The following TAF1 variants were observed in gnomAD, a reference collection of about 807,000 sequenced individuals.
TAF1 encodes the protein TATA-box binding protein associated factor 1, also known as transcription initiation factor TFIID subunit 1.
A neutral mutation model predicts 138.5 loss-of-function variants in TAF1; 2 were observed. The observed-to-expected ratio is 0.01, with a 90% confidence interval of 0.01 to 0.05. The LOEUF (loss-of-function observed/expected upper bound fraction) is 0.05. TAF1 is among the 10% of genes least tolerant of loss of function. TAF1 has a pLI of 1.00. For missense variants in TAF1, 709 were observed against 1,478.0 expected (o/e 0.48, Z 8.53); for synonymous variants, 437 against 503.2 (o/e 0.87, Z 1.76).
chrX:71,453,057 G>A (rs1006567527), intron 32 of TAF1, among the ~76,000 whole-genome samples: 1 of 110,430 alleles, frequency 9.1e-6, no homozygotes, highest in African/African-American at 3.3e-5. Context: ...CGTGGAAAGA[G>A]AGGGAGAGGG....
At chrX:71,513,188 G>C (rs1177026953) in intron 13 of TAF1, among the ~76,000 whole-genome samples, 1 of 111,686 alleles carries the variant, frequency 9.0e-6, no homozygotes, top group Non-Finnish European at 1.9e-5. Context: ...TTCTTGATGA[G>C]TGAGGCCCTA....
At chrX:71,491,704 C>G (rs1474669305) in intron 13 of TAF1, 1 of 102,906 alleles carries the variant, frequency 9.7e-6, no homozygotes, top group Non-Finnish European at 2.0e-5. Context: ...CTCTGTCGCC[C>G]AGGCTGGAGT....
intron 28 of TAF1, among the ~76,000 whole-genome samples, chrX:71,420,779 G>C (rs1380551737): frequency 5.3e-5 from 6 of 112,910 alleles, no homozygotes; most frequent in African/African-American, 1.9e-4. Flanking sequence ...AGGCCAGGGC[G>C]GCTCCTCTTC....
At chrX:71,459,068 A>C in intron 35 of TAF1, 1 of 718,558 alleles carries the variant, frequency 1.4e-6, no homozygotes, top group Non-Finnish European at 1.9e-6. Context: ...AGGGAGGAGC[A>C]TCCACCCTGG....
At chrX:71,421,426 G>T in intron 29 of TAF1, 50 bp downstream of exon 29, 2 of 878,435 alleles carry the variant, frequency 2.3e-6, no homozygotes, top group South Asian at 2.1e-5. Context: ...AGGTGGGGGT[G>T]GGATATCAGG....
intron 30 of TAF1, 88 bp downstream of exon 30, chrX:71,423,327 GTC>G: frequency 8.6e-7 from 1 of 1,158,456 alleles, no homozygotes; most frequent in Non-Finnish European, 1.2e-6. Flanking sequence ...ATTTTGGAGA[GTC>G]TGAGTGGTGG....
chrX:71,449,049 A>G (rs1243718514), intron 32 of TAF1, among the ~76,000 whole-genome samples: 1 of 108,565 alleles, frequency 9.2e-6, no homozygotes, highest in Non-Finnish European at 1.9e-5. Flanking sequence ...CTGGAGTTCA[A>G]TGGCGCGATC....
chrX:71,467,708 T>C (rs1316036723), downstream of TAF1, among the ~76,000 whole-genome samples: 1 of 111,697 alleles, frequency 9.0e-6, no homozygotes, highest in Non-Finnish European at 1.9e-5. Flanking sequence ...TGAGGGTAGG[T>C]GGTAGTATGC....
At chrX:71,394,351 G>T in intron 22 of TAF1, 106 bp downstream of exon 22, 1 of 965,922 alleles carries the variant, frequency 1.0e-6, no homozygotes, top group East Asian at 3.2e-5. Flanking sequence ...GAAGATGTAA[G>T]GGATGCATGT....
chrX:71,436,983 ATTTTCT>A (rs2037177814), intron 32 of TAF1, among the ~76,000 whole-genome samples: 1 of 110,998 alleles, frequency 9.0e-6, no homozygotes, highest in Admixed American at 9.6e-5. Flanking sequence ...ATTTATTCAC[ATTTTCT>A]TTTATGTCCC....
chrX:71,458,400 A>ATTGTTT, intron 35 of TAF1, 34 bp downstream of exon 35: 1 of 1,198,680 alleles, frequency 8.3e-7, no homozygotes, highest in Admixed American at 2.2e-5. Context: ...TAAGATTGTT[A>ATTGTTT]TTGTGCCTGC....
At chrX:71,411,469 ACT>A (rs2035784515) in intron 28 of TAF1, among the ~76,000 whole-genome samples, 1 of 110,113 alleles carries the variant, frequency 9.1e-6, no homozygotes, top group Admixed American at 9.7e-5. Context: ...AGAGAGCGAG[ACT>A]CTGTCTCAAA....
chrX:71,403,871 A>G (rs746310304), intron 25 of TAF1, among the ~76,000 whole-genome samples: 1 of 106,932 alleles, frequency 9.4e-6, no homozygotes, highest in Admixed American at 1.0e-4. Flanking sequence ...ATAGTGTCCC[A>G]AATTTGACTC....
rs186237273 is a variant in TAF1, at chrX:71,511,784, G to A, written c.1367-16758G>A. ...TGATCCCGGCACTTTGGGAGGTTGAGGCGGGTGGATTGCTTGAGCTCAGGA... is the reference window on the plus strand; with the variant it reads ...TGATCCCGGCACTTTGGGAGGTTGAAGCGGGTGGATTGCTTGAGCTCAGGA... On this transcript the variant is annotated intron_variant and NMD_transcript_variant, in intron 13 of 14. Coordinates refer to the TAF1 transcript ENST00000373775. 1.9e-4 allele frequency among the ~76,000 whole-genome samples: 21 copies of A among 111,709 alleles called. No individual in the cohort carries two copies. In the East Asian group the frequency reaches 5.9e-3, roughly 31 times the overall value.
Position 71,464,341 on chromosome X carries a change from G to T in TAF1, c.*295G>T, listed in dbSNP as rs1452931014. The T allele has an allele frequency of 2.7e-6, 1 of 372,491 alleles. No homozygotes were observed. Among genetic ancestry groups the T allele is most frequent in the East Asian group, 4.2e-5 (1 of 23,965 alleles). 30.7% of individuals were successfully genotyped at this position (372,491 alleles called of 1,213,427 possible). A position where few individuals can be genotyped will look rare whatever the true frequency, so the allele number is the denominator to read the frequency against. On this transcript the variant is annotated 3_prime_UTR_variant, in exon 38 of 38. Transcript: ENST00000423759. ...TATTTAACTCCATTTATTGCTTTTG[G>T]TATAATTTTTCCCTGGGGAAGGAGG...
At position 71,389,593 on chromosome X, in the gene TAF1, C is replaced by T; in HGVS notation, c.2709C>T (p.Gly903=). The change falls in exon 18 of 38, where the codon GGC becomes GGT. Residue 903 remains glycine, a synonymous_variant. Transcript: ENST00000423759. ...IAAEQRLKDA[G]YGEKSFFAPE... ...GATCTGTCCTCTTCCAGGATGCTGG[C>T]TATGGTGAGAAATCCTTTTTTGCTC... 1 of 1,203,575 alleles carries T rather than the reference C, an allele frequency of 8.3e-7. No individual in the cohort carries two copies. The highest frequency in any genetic ancestry group is 1.1e-6 in the Non-Finnish European group (1 of 892,786).
intron 32 of TAF1, among the ~76,000 whole-genome samples, chrX:71,452,051 G>A (rs1602720984): frequency 1.8e-5 from 2 of 108,920 alleles, no homozygotes; most frequent in South Asian, 8.0e-4. Flanking sequence ...CAGTAGGGGC[G>A]GCCGGGCAGA....
rs916740866 is a variant in TAF1 at position 71,379,105 on chromosome X, ATTTTTTTTT to A, written c.1360+89_1360+97del. 6 of 486,012 alleles carry A rather than the reference ATTTTTTTTT, an allele frequency of 1.2e-5. No homozygotes were observed. In the African/African-American group the frequency reaches 2.0e-4, roughly 16 times the overall value. The allele number at this position is 486,012 out of a possible 1,213,427, so 40.1% of individuals were successfully genotyped here. ...GTCACCATAAGTGGGCTCAGCTGTG[ATTTTTTTTT>A]TTTTTTTTTTTTTTCGGTGAGACAG... On this transcript the variant is annotated intron_variant, in intron 8 of 37. Transcript: ENST00000423759.
At chrX:71,450,855 A>G (rs907264819) in intron 32 of TAF1, among the ~76,000 whole-genome samples, 2 of 112,282 alleles carry the variant, frequency 1.8e-5, no homozygotes, top group Non-Finnish European at 3.8e-5. Context: ...TGAAAACTCA[A>G]ATGCCTTCAG....
Sources: gnomAD v4.1 joint callset for allele counts (sites outside exome capture counted in the v4.1 genomes callset) on GRCh38, gnomAD v4.1.1 for gene constraint, MANE v1.5 for transcripts, NCBI Gene and HGNC (gene_info 2026-07-23, HGNC 2026-07-21) for gene names.